OTUD6B: variants seen among roughly 807,000 people sequenced by gnomAD.
OTUD6B encodes the protein OTU deubiquitinase 6B.
In OTUD6B, 41 loss-of-function variants were observed where a neutral mutation model predicts 36.9. That is an observed-to-expected ratio of 1.11 (90% CI 0.87 to 1.44). The LOEUF (loss-of-function observed/expected upper bound fraction) is 1.44, where lower values mean the gene tolerates loss of function less well. Ranked by LOEUF, OTUD6B falls within the 40% of genes most tolerant of loss-of-function variation. The pLI, the probability that OTUD6B is intolerant of heterozygous loss-of-function variation, is 0.00. For missense variants in OTUD6B, 356 were observed against 344.8 expected (o/e 1.03, Z -0.26); for synonymous variants, 114 against 114.2 (o/e 1.00, Z 0.01).
rs374060882 is a variant in OTUD6B at position 91,082,655 on chromosome 8, C to T, written c.691-1353C>T. ...CTCAGATTCTAGGTCTTTAAAATAA[C>T]GACAGTACCCATCCCATAAAGTTAT... On this transcript the variant is annotated intron_variant, in intron 5 of 6. Transcript: ENST00000404789. 8.7e-5 allele frequency among the ~76,000 whole-genome samples: 13 copies of T among 150,206 alleles called. No homozygotes were observed. In the East Asian group the frequency reaches 1.8e-3, roughly 21 times the overall value.
chr8:91,079,245 T>G (rs930013110), intron 4 of OTUD6B: 43 of 152,168 alleles, frequency 2.8e-4, no homozygotes, highest in African/African-American at 9.6e-4. Context: ...AGTAAAAATC[T>G]GAATAGGTTT....
intron 3 of OTUD6B, 21 bp downstream of exon 3, chr8:91,073,932 A>G: frequency 6.5e-7 from 1 of 1,528,968 alleles, no homozygotes; most frequent in East Asian, 2.3e-5. Context: ...CATGTCACCA[A>G]GTATATAAGT....
At chr8:91,071,668 T>G (rs1213289919) in intron 2 of OTUD6B, among the ~76,000 whole-genome samples, 3 of 152,188 alleles carry the variant, frequency 2.0e-5, no homozygotes, top group African/African-American at 7.2e-5. Flanking sequence ...GTTTATTATC[T>G]AAAATCATAA....
chr8:91,071,423 A>G, intron 2 of OTUD6B, 134 bp downstream of exon 2: 1 of 693,894 alleles, frequency 1.4e-6, no homozygotes, highest in Admixed American at 3.7e-5. Flanking sequence ...ATCTTGGCTC[A>G]CTGCAAGCTC....
At chr8:91,081,243 G>A (rs28510966) in intron 5 of OTUD6B, among the ~76,000 whole-genome samples, 4,848 of 151,706 alleles carry the variant, frequency 0.032, 256 homozygotes, top group African/African-American at 0.11. Flanking sequence ...TGACTTACTT[G>A]AAAGCAGTAG....
intron 3 of OTUD6B, chr8:91,076,832 C>G (rs1812811425): frequency 1.5e-6 from 1 of 683,748 alleles, no homozygotes; most frequent in East Asian, 2.7e-5. Context: ...ATCCACAGTT[C>G]TAGGTACACA....
At chr8:91,070,947 A>C in intron 1 of OTUD6B, 191 bp from the exon 2 acceptor site, 1 of 541,964 alleles carries the variant, frequency 1.8e-6, no homozygotes, top group Non-Finnish European at 2.4e-6. Flanking sequence ...TTGTTAATGA[A>C]GTTTTTTTTT....
chr8:91,078,695 T>TA, intron 4 of OTUD6B, 27 bp downstream of exon 4: 3 of 1,456,212 alleles, frequency 2.1e-6, no homozygotes, highest in Non-Finnish European at 2.8e-6. Flanking sequence ...TACTATGTTT[T>TA]ATTGTTGCTT....
At chr8:91,082,745 C>CTTT (rs369648071) in intron 5 of OTUD6B, among the ~76,000 whole-genome samples, 10 of 111,854 alleles carry the variant, frequency 8.9e-5, no homozygotes, top group African/African-American at 1.9e-4. Context: ...GGTCATATGT[C>CTTT]TTTTTTTTTT....
chr8:91,084,028 T>C lies in OTUD6B; in HGVS notation c.711T>C (p.Ile237=). ...GQLELRALSH[I]LQTPIEIIQA... is the part of the protein sequence containing the mutation. ...TATAGCTAAGAGCTCTGTCTCACATTTTACAAACACCAATAGAGATAATAC... is the reference window on the plus strand; with the variant it reads ...TATAGCTAAGAGCTCTGTCTCACATCTTACAAACACCAATAGAGATAATAC... Residue 237 remains isoleucine, a synonymous_variant, in exon 6 of 7, where the codon ATT becomes ATC. Coordinates refer to ENST00000404789, the MANE Select transcript of OTUD6B (RefSeq NM_016023.5). 6.4e-7 allele frequency: 1 copy of C among 1,574,414 alleles called. No homozygotes were observed. The highest frequency in any genetic ancestry group is 8.6e-7 in the Non-Finnish European group (1 of 1,159,376).
rs1190740249 is a variant in OTUD6B at position 91,080,749 on chromosome 8, A to G, written c.690+19A>G. On this transcript the variant is annotated intron_variant, in intron 5 of 6. Coordinates refer to ENST00000404789, the MANE Select transcript of OTUD6B (RefSeq NM_016023.5). ...GCTTGAGGTAAGTTTGTAGTTATTC[A>G]TAGTGATTGTGGGTTGTTAAATTAT... is the stretch of plus-strand genomic sequence containing the variant. The G allele has an allele frequency of 2.6e-6, 4 of 1,567,750 alleles. No individual in the cohort carries two copies. Among genetic ancestry groups the G allele is most frequent in the African/African-American group, 1.3e-5 (1 of 74,226 alleles).
At chr8:91,081,402 G>C (rs1053221965) in intron 5 of OTUD6B, among the ~76,000 whole-genome samples, 3 of 151,732 alleles carry the variant, frequency 2.0e-5, no homozygotes, top group South Asian at 2.1e-4. Context: ...AAAACAGGTA[G>C]GTAGGCCAGA....
intron 3 of OTUD6B, among the ~76,000 whole-genome samples, chr8:91,074,781 T>C (rs1000411720): frequency 5.3e-5 from 8 of 152,128 alleles, no homozygotes; most frequent in African/African-American, 1.9e-4. Flanking sequence ...TCTTATGACA[T>C]AGTATGTAAT....
intron 3 of OTUD6B, chr8:91,076,421 G>C: frequency 1.0e-6 from 1 of 979,248 alleles, no homozygotes; most frequent in Non-Finnish European, 1.2e-6. Flanking sequence ...AAACTCAATT[G>C]CTTTGTTCTA....
intron 4 of OTUD6B, 173 bp from the exon 5 acceptor site, chr8:91,080,496 G>A (rs879690215): frequency 2.2e-5 from 18 of 833,254 alleles, no homozygotes; most frequent in Admixed American, 6.2e-5. Context: ...AGAAAGTTGG[G>A]GTGAATTAAG....
chr8:91,076,175 A>G (rs1016775434), intron 3 of OTUD6B, among the ~76,000 whole-genome samples: 1 of 152,132 alleles, frequency 6.6e-6, no homozygotes, highest in Non-Finnish European at 1.5e-5. Flanking sequence ...AGCTCTTAAT[A>G]TTCCCTTTGA....
Position 91,083,463 on chromosome 8 carries a change from G to A in OTUD6B, c.691-545G>A, listed in dbSNP as rs562356951. Among the ~76,000 whole-genome samples the A allele has an allele frequency of 5.3e-5, 8 of 152,196 alleles. No homozygotes were observed. The South Asian group carries it at 1.5e-3, about 28-fold the overall frequency. ...TTTACAAAGCTTTTGTGCAGGCAGG[G>A]CTTGAGCAGTCTCTGCATTTGATTT... On this transcript the variant is annotated intron_variant, in intron 5 of 6. Coordinates refer to ENST00000404789, the MANE Select transcript of OTUD6B (RefSeq NM_016023.5).
intron 3 of OTUD6B, among the ~76,000 whole-genome samples, chr8:91,075,419 C>A (rs1812783896): frequency 6.6e-6 from 1 of 151,958 alleles, no homozygotes; most frequent in Non-Finnish European, 1.5e-5. Flanking sequence ...CTTATAATAG[C>A]CTATTTAATT....
Position 91,084,763 on chromosome 8 carries a change from T to G in OTUD6B, c.798-21T>G. The G allele has an allele frequency of 2.7e-6, 4 of 1,471,030 alleles. No homozygotes were observed. The East Asian group carries it at 9.7e-5, about 36-fold the overall frequency. The allele number at this position is 1,471,030 out of a possible 1,614,324, so 91.1% of individuals were successfully genotyped here. ...ATTGCTTTCATCAAAACTACTCATT[T>G]CTTTTTTTTTTTAATTTCAGATATA... On this transcript the variant is annotated intron_variant, in intron 6 of 6. Coordinates refer to ENST00000404789, the MANE Select transcript of OTUD6B (RefSeq NM_016023.5).
Sources: gnomAD v4.1 joint callset for allele counts (sites outside exome capture counted in the v4.1 genomes callset) on GRCh38, gnomAD v4.1.1 for gene constraint, MANE v1.5 for transcripts, NCBI Gene and HGNC (gene_info 2026-07-23, HGNC 2026-07-21) for gene names.